Variants in KATNIP observed in about 807,000 individuals in gnomAD.
KATNIP encodes katanin-interacting protein.
A neutral mutation model predicts 174.0 loss-of-function variants in KATNIP; 126 were observed. The observed-to-expected ratio is 0.72, with a 90% confidence interval of 0.63 to 0.84. The LOEUF (loss-of-function observed/expected upper bound fraction) is 0.84. Among genes scored for constraint, KATNIP ranks in the 40% least tolerant of loss-of-function variants. The pLI, the probability that KATNIP is intolerant of heterozygous loss-of-function variation, is 0.00. For synonymous variants in KATNIP, 810 were observed against 835.7 expected (o/e 0.97, Z 0.53); for missense variants, 1,958 against 2,109.7 (o/e 0.93, Z 1.41).
At chr16:27,733,374 A>G (rs2080767476) in intron 14 of KATNIP, among the ~76,000 whole-genome samples, 1 of 152,204 alleles carries the variant, frequency 6.6e-6, no homozygotes, top group African/African-American at 2.4e-5. Flanking sequence ...CACCAACTGT[A>G]AAGAAGGAAG....
chr16:27,761,582 C>T lies in KATNIP; in HGVS notation c.3801C>T (p.Ala1267=). ...CCGAGTACTCTGACGACTCCCGGGC[C>T]CTGGACAAGTAAGTGTCTATCAGAA... ...ELPEYSDDSR[A]LDKLIDGTNI... is the part of the protein sequence containing the mutation. Residue 1267 remains alanine (A), a synonymous_variant, in exon 19 of 28, where the codon GCC becomes GCT. Transcript: ENST00000261588. 1 of 1,613,112 alleles carries T rather than the reference C, an allele frequency of 6.2e-7. No homozygotes were observed. Among genetic ancestry groups the T allele is most frequent in the Non-Finnish European group, 8.5e-7 (1 of 1,179,318 alleles).
Position 27,663,957 on chromosome 16 carries a change from T to A in KATNIP, c.541-13772T>A, listed in dbSNP as rs117307059. On this transcript the variant is annotated intron_variant, in intron 6 of 27. Coordinates refer to ENST00000261588, the MANE Select transcript of KATNIP (RefSeq NM_015202.5). ...TCGCAAGCCGCTGGGACTACAGGCATGCGCCACCATGCCTGGCTAATCTTT... is the reference window on the plus strand; with the variant it reads ...TCGCAAGCCGCTGGGACTACAGGCAAGCGCCACCATGCCTGGCTAATCTTT... Among the ~76,000 whole-genome samples, 657 of 152,220 alleles carry A rather than the reference T, an allele frequency of 4.3e-3. 5 individuals carry two copies. The highest frequency in any genetic ancestry group is 5.8e-3 in the Non-Finnish European group (397 of 68,008).
chr16:27,712,919 C>T (rs1013963918), intron 13 of KATNIP, among the ~76,000 whole-genome samples: 7 of 152,164 alleles, frequency 4.6e-5, no homozygotes, highest in Non-Finnish European at 8.8e-5. Context: ...CACCCCCCAA[C>T]CTCAGCCTCT....
At position 27,759,456 on chromosome 16, in the gene KATNIP, C is replaced by T. The variant is rs953137435; in HGVS notation, c.3632-1957C>T. On this transcript the variant is annotated intron_variant, in intron 18 of 27. Transcript: ENST00000261588. Reference sequence around the variant, plus strand: ...GCCGAACAAGCCAATCCAAAATCCACTGGCTTAACACAACTACCATGAATT... The same window carrying T: ...GCCGAACAAGCCAATCCAAAATCCATTGGCTTAACACAACTACCATGAATT... Among the ~76,000 whole-genome samples, 3 of 152,370 alleles carry T rather than the reference C, an allele frequency of 2.0e-5. No homozygotes were observed. The East Asian group carries it at 5.8e-4, about 29-fold the overall frequency.
At chr16:27,742,313 G>A (rs1158255428) in intron 15 of KATNIP, among the ~76,000 whole-genome samples, 1 of 152,210 alleles carries the variant, frequency 6.6e-6, no homozygotes, top group Non-Finnish European at 1.5e-5. Context: ...CTGTAAAATG[G>A]TTATGACTTC....
intron 5 of KATNIP, chr16:27,632,679 T>G: frequency 2.2e-6 from 1 of 453,166 alleles, no homozygotes; most frequent in Non-Finnish European, 4.5e-6. Context: ...GCAGGCAGGC[T>G]GGTTGGGAGG....
At chr16:27,741,774 T>C (rs960697481) in intron 15 of KATNIP, among the ~76,000 whole-genome samples, 1 of 151,912 alleles carries the variant, frequency 6.6e-6, no homozygotes, top group Non-Finnish European at 1.5e-5. Flanking sequence ...ATGTGGTGCG[T>C]TCCTGTAATC....
At chr16:27,748,079 A>G (rs1243391306) in intron 15 of KATNIP, among the ~76,000 whole-genome samples, 1 of 152,162 alleles carries the variant, frequency 6.6e-6, no homozygotes, top group Non-Finnish European at 1.5e-5. Flanking sequence ...TTGCAGGATG[A>G]CACCCTTAGA....
chr16:27,749,780 C>T lies in KATNIP; in HGVS notation c.2820C>T (p.Pro940=), dbSNP rs144550008. The change falls in exon 16 of 28, where the codon CCC becomes CCT. Residue 940 remains proline (P), a synonymous_variant. Transcript: ENST00000261588. ...GCAGCCGGCACAGCGACTTGCCCCCCTCCAAGAAGGGGGAGCAGCCAGGGC... is the reference window on the plus strand; with the variant it reads ...GCAGCCGGCACAGCGACTTGCCCCCTTCCAAGAAGGGGGAGCAGCCAGGGC... ...QKSSRHSDLP[P]SKKGEQPGLS... The T allele has an allele frequency of 1.2e-6, 2 of 1,610,006 alleles. No individual in the cohort carries two copies. The highest frequency in any genetic ancestry group is 1.7e-6 in the Non-Finnish European group (2 of 1,177,652).
At chr16:27,708,969 A>C in intron 13 of KATNIP, 49 bp downstream of exon 13, 1 of 1,426,566 alleles carries the variant, frequency 7.0e-7, no homozygotes, top group Non-Finnish European at 9.8e-7. Flanking sequence ...ATTCCCATGC[A>C]TTTTCTCTGC....
chr16:27,650,292 T>C (rs1237974406), intron 6 of KATNIP, among the ~76,000 whole-genome samples: 1 of 151,302 alleles, frequency 6.6e-6, no homozygotes, highest in East Asian at 1.9e-4. Context: ...AGGCACAGTG[T>C]GAACAAGGGG....
intron 4 of KATNIP, 21 bp downstream of exon 4, chr16:27,628,851 C>T: frequency 6.2e-7 from 1 of 1,612,708 alleles, no homozygotes; most frequent in Non-Finnish European, 8.5e-7. Context: ...GCCCTCCAGG[C>T]TGAGTCTCAG....
rs2078673096 is a variant in KATNIP, at chr16:27,690,329, G to GATAGATAGATAGATAGATAGATAGAT, written c.941-7997_941-7972dup. Among the ~76,000 whole-genome samples the GATAGATAGATAGATAGATAGATAGAT allele has an allele frequency of 5.4e-5, 7 of 129,760 alleles. No individual in the cohort carries two copies. The South Asian group carries it at 1.6e-3, about 30-fold the overall frequency. 85.1% of individuals were successfully genotyped at this position (129,760 alleles called of 152,430 possible). The stretch of plus-strand genomic sequence containing the variant: ...AGACCCCATCTCAGATAGATAGATA[G>GATAGATAGATAGATAGATAGATAGAT]ATAGATAGATAGATAGATAGATAGA... On this transcript the variant is annotated intron_variant, in intron 8 of 27. Coordinates refer to ENST00000261588, the MANE Select transcript of KATNIP (RefSeq NM_015202.5).
At chr16:27,631,223 T>C (rs1452102438) in intron 5 of KATNIP, 61 bp downstream of exon 5, 1 of 1,300,082 alleles carries the variant, frequency 7.7e-7, no homozygotes, top group Non-Finnish European at 1.1e-6. Flanking sequence ...GCTGTGGGAA[T>C]AGAAATACAA....
chr16:27,629,239 C>T (rs962900971), intron 4 of KATNIP, among the ~76,000 whole-genome samples: 2 of 151,134 alleles, frequency 1.3e-5, no homozygotes, highest in African/African-American at 4.9e-5. Flanking sequence ...AAGTTAACTA[C>T]ACCCGCATGG....
intron 12 of KATNIP, 121 bp downstream of exon 12, chr16:27,704,119 A>C (rs1597223807): frequency 7.0e-6 from 5 of 711,954 alleles, no homozygotes; most frequent in Admixed American, 2.3e-5. Flanking sequence ...CTGTGTTTCC[A>C]CCGCCCCCCC....
chr16:27,627,370 A>T (rs76920510), intron 3 of KATNIP, among the ~76,000 whole-genome samples: 1,621 of 152,356 alleles, frequency 0.011, 42 homozygotes, highest in African/African-American at 0.037. Context: ...GATATGCCTT[A>T]TGAAGAAAAT....
At chr16:27,577,909 C>G (rs1303703598) in intron 2 of KATNIP, among the ~76,000 whole-genome samples, 1 of 151,954 alleles carries the variant, frequency 6.6e-6, no homozygotes, top group Non-Finnish European at 1.5e-5. Flanking sequence ...AATAAAAGTT[C>G]CCAGGTGATT....
chr16:27,574,793 A>ATCT lies in KATNIP; in HGVS notation c.63+837_63+838insTCT, dbSNP rs11272755. Among the ~76,000 whole-genome samples, 33 of 151,812 alleles carry ATCT rather than the reference A, an allele frequency of 2.2e-4. 1 individual carries two copies. The East Asian group carries it at 5.0e-3, about 23-fold the overall frequency. ...TGGCCAGGCTGGTCTCGAACTCCCG[A>ATCT]GCCCGCCTCAGTCTCCCAAAGTGCT... On this transcript the variant is annotated intron_variant, in intron 2 of 27. Coordinates refer to ENST00000261588, the MANE Select transcript of KATNIP (RefSeq NM_015202.5).
Sources: allele counts gnomAD v4.1 joint callset (sites outside exome capture counted in the v4.1 genomes callset), GRCh38; gene constraint gnomAD v4.1.1; transcripts MANE v1.5; gene names NCBI Gene and HGNC (gene_info 2026-07-23, HGNC 2026-07-21).